The following UPF2 variants were observed in gnomAD, a reference collection of about 807,000 sequenced individuals.
UPF2 encodes the protein regulator of nonsense transcripts 2.
In UPF2, 17 loss-of-function variants were observed where a neutral mutation model predicts 141.4. The observed-to-expected ratio is 0.12, with a 90% CI of 0.08 to 0.18. UPF2 has a LOEUF of 0.18. Ranked by LOEUF, UPF2 falls within the 10% of genes least tolerant of loss-of-function variation. The pLI is 1.00. For synonymous variants in UPF2, 540 were observed against 498.0 expected (o/e 1.08, Z -1.12); for missense variants, 1,152 against 1,515.9 (o/e 0.76, Z 3.99).
chr10:11,924,303 C>A (rs769836407), intron 21 of UPF2, among the ~76,000 whole-genome samples: 1 of 152,164 alleles, frequency 6.6e-6, no homozygotes, highest in East Asian at 1.9e-4. Flanking sequence ...TTATGCCGGG[C>A]GTGGTGGCTG....
At position 11,959,192 on chromosome 10, in the gene UPF2, G is replaced by A. The variant is rs546474334; in HGVS notation, c.2349C>T (p.Leu783=). ...TTACCTTCTCGGTGGTAACCTTAGAGAGATCCTTGTACAAAAGTTTCCGGA... is the reference window on the plus strand; with the variant it reads ...TTACCTTCTCGGTGGTAACCTTAGAAAGATCCTTGTACAAAAGTTTCCGGA... ...EYVRKLLYKD[L]SKVTTEKVLR... Residue 783 remains leucine, a synonymous_variant, in exon 12 of 22, where the codon CTC becomes CTT. Transcript: ENST00000357604. The surrounding 1 kb of genome is among the most constrained non-coding windows in gnomAD (Gnocchi z 5.9). The A allele has an allele frequency of 7.6e-6, 12 of 1,587,724 alleles. No homozygotes were observed. The Admixed American group carries it at 1.6e-4, about 22-fold the overall frequency.
chr10:11,967,256 T>C (rs1369898070), intron 10 of UPF2, 85 bp downstream of exon 10: 1 of 792,264 alleles, frequency 1.3e-6, no homozygotes, highest in Non-Finnish European at 1.8e-6. Flanking sequence ...ATTAATCAAA[T>C]ATTAAATTAT....
At chr10:11,996,842 C>T (rs1833872239) in intron 8 of UPF2, among the ~76,000 whole-genome samples, 2 of 152,088 alleles carry the variant, frequency 1.3e-5, no homozygotes, top group Non-Finnish European at 2.9e-5. Flanking sequence ...GAAATCTTAC[C>T]ATTATCAAGA....
chr10:11,983,587 T>C (rs1371971134), intron 8 of UPF2, among the ~76,000 whole-genome samples: 1 of 152,172 alleles, frequency 6.6e-6, no homozygotes, highest in Non-Finnish European at 1.5e-5. Context: ...TTAGCCAGGA[T>C]GGTTTCGATC....
intron 4 of UPF2, 103 bp from the exon 5 acceptor site, chr10:12,004,830 T>A: frequency 9.0e-7 from 1 of 1,111,846 alleles, no homozygotes; most frequent in Admixed American, 2.7e-5. Flanking sequence ...GAATCTTGAG[T>A]GTTTCAACTG....
At chr10:11,930,065 G>A in intron 20 of UPF2, 80 bp from the exon 21 acceptor site, 1 of 1,584,938 alleles carries the variant, frequency 6.3e-7, no homozygotes, top group Non-Finnish European at 8.6e-7. Context: ...AAATGTTGGG[G>A]AGATTAAGTT....
Position 11,965,220 on chromosome 10 carries a change from T to C in UPF2, c.2068-1095A>G, listed in dbSNP as rs114048869. On this transcript the variant is annotated intron_variant, in intron 10 of 21. Coordinates refer to ENST00000357604, the MANE Select transcript of UPF2 (RefSeq NM_015542.4). ...AATTCCTGGGAAAGAAATTTCTGTG[T>C]CAAAAAAGTGTATATTCTTCCTATA... 7.0e-3 allele frequency among the ~76,000 whole-genome samples: 1,067 copies of C among 152,180 alleles called. 14 individuals carry two copies. The highest frequency in any genetic ancestry group is 0.024 in the African/African-American group (995 of 41,502).
intron 21 of UPF2, among the ~76,000 whole-genome samples, chr10:11,924,830 AT>A (rs942436797): frequency 2.6e-5 from 4 of 151,860 alleles, no homozygotes; most frequent in Admixed American, 2.6e-4. Flanking sequence ...TTAATAACTG[AT>A]TTTTTTTAAT....
rs1344941577 is a variant in UPF2, at chr10:12,019,038, AC to A, written c.1146-4855del. Among the ~76,000 whole-genome samples the A allele has an allele frequency of 1.3e-5, 2 of 152,248 alleles. No individual in the cohort carries two copies. Among genetic ancestry groups the A allele is most frequent in the Non-Finnish European group, 2.9e-5 (2 of 68,034 alleles). On this transcript the variant is annotated intron_variant, in intron 3 of 21. Coordinates refer to ENST00000357604, the MANE Select transcript of UPF2 (RefSeq NM_015542.4). The surrounding 1 kb of genome is among the most constrained non-coding windows in gnomAD (Gnocchi z 4.5). ...ATGGGAATGTATCACTGAAAATATA[AC>A]CAAAATCAAGCTGAAAATATGATTT...
intron 3 of UPF2, among the ~76,000 whole-genome samples, chr10:12,026,411 A>C (rs920921355): frequency 3.3e-5 from 5 of 152,188 alleles, no homozygotes; most frequent in Non-Finnish European, 7.3e-5. Context: ...AGTGTCTGGA[A>C]ATCATGGAGC....
At chr10:11,930,386 T>C (rs914256867) in intron 20 of UPF2, among the ~76,000 whole-genome samples, 8 of 152,212 alleles carry the variant, frequency 5.3e-5, no homozygotes, top group Admixed American at 5.2e-4. Context: ...ACAACAACAC[T>C]TATCTCAAAG....
chr10:11,956,246 T>A lies in UPF2; in HGVS notation c.2574+74A>T. 9 of 1,351,516 alleles carry A rather than the reference T, an allele frequency of 6.7e-6. No homozygotes were observed. Among genetic ancestry groups the A allele is most frequent in the Non-Finnish European group, 9.5e-6 (9 of 951,330 alleles). 83.7% of individuals were successfully genotyped at this position (1,351,516 alleles called of 1,614,324 possible). ...AATTTACAGATTCCTATAACTTGAGTCTCAATAGTAACCTAGAAATAATAA... is the reference window on the plus strand; with the variant it reads ...AATTTACAGATTCCTATAACTTGAGACTCAATAGTAACCTAGAAATAATAA... On this transcript the variant is annotated intron_variant, in intron 13 of 21. Coordinates refer to ENST00000357604, the MANE Select transcript of UPF2 (RefSeq NM_015542.4). This position sits in a 1 kb window ranked among gnomAD's most constrained non-coding sequence, Gnocchi z 4.2.
Position 11,935,349 on chromosome 10 carries a change from G to A in UPF2, c.3546+1196C>T, listed in dbSNP as rs1832836303. Reference sequence around the variant, plus strand: ...TATTCTGCACACAGAAGTGCCTGGTGTGTAGCAGGTAAATAATAAATACTT... The same window carrying A: ...TATTCTGCACACAGAAGTGCCTGGTATGTAGCAGGTAAATAATAAATACTT... On this transcript the variant is annotated intron_variant, in intron 19 of 21. Transcript: ENST00000357604. The surrounding 1 kb of genome is among the most constrained non-coding windows in gnomAD (Gnocchi z 4.9). Among the ~76,000 whole-genome samples the A allele has an allele frequency of 6.6e-6, 1 of 152,202 alleles. No homozygotes were observed.
At position 11,931,681 on chromosome 10, in the gene UPF2, T is replaced by C; in HGVS notation, c.3648A>G (p.Thr1216=). ...GTTCTTGCCGTTCATTGATATCTAG[T>C]GTGAGCTTTTTCATTCTCATCCTCT... ...QEERMRMKKL[T]LDINERQEQE... Residue 1216 remains threonine (T), a synonymous_variant, in exon 20 of 22, where the codon ACA becomes ACG. Transcript: ENST00000357604. The surrounding 1 kb of genome is among the most constrained non-coding windows in gnomAD (Gnocchi z 5.9). The C allele has an allele frequency of 6.2e-7, 1 of 1,612,870 alleles. No individual in the cohort carries two copies. The highest frequency in any genetic ancestry group is 2.2e-5 in the East Asian group (1 of 44,854).
intron 16 of UPF2, among the ~76,000 whole-genome samples, chr10:11,945,595 T>C (rs983573739): frequency 6.6e-6 from 1 of 152,168 alleles, no homozygotes; most frequent in Non-Finnish European, 1.5e-5. Flanking sequence ...CAAACACACA[T>C]GTATCCTGTG....
intron 11 of UPF2, among the ~76,000 whole-genome samples, chr10:11,963,264 C>T (rs1833268091): frequency 6.6e-6 from 1 of 152,216 alleles, no homozygotes; most frequent in African/African-American, 2.4e-5. Context: ...ACAGGTGAAC[C>T]ACTTTGAAGA....
rs945265363 is a variant in UPF2, at chr10:12,016,494, G to A, written c.1146-2310C>T. On this transcript the variant is annotated intron_variant, in intron 3 of 21. Transcript: ENST00000357604. The surrounding 1 kb of genome is among the most constrained non-coding windows in gnomAD (Gnocchi z 4.1). ...GAGGATCACAAGGTCAGGAGTTTGA[G>A]ACCAGCCTGGCCAATATGGTGAAAC... Among the ~76,000 whole-genome samples, 1 of 151,100 alleles carries A rather than the reference G, an allele frequency of 6.6e-6. No homozygotes were observed. The highest frequency in any genetic ancestry group is 1.5e-5 in the Non-Finnish European group (1 of 67,802).
At chr10:11,948,133 A>G (rs1034647044) in intron 16 of UPF2, among the ~76,000 whole-genome samples, 1 of 151,502 alleles carries the variant, frequency 6.6e-6, no homozygotes. Context: ...TTGTTATCTC[A>G]GCTACTCGGG....
rs866022718 is a variant in UPF2 at position 11,944,205 on chromosome 10, C to T, written c.3175-1037G>A. 3.9e-5 allele frequency among the ~76,000 whole-genome samples: 6 copies of T among 152,192 alleles called. No individual in the cohort carries two copies. In the Middle Eastern group the frequency reaches 0.014, roughly 345 times the overall value. On this transcript the variant is annotated intron_variant, in intron 16 of 21. Transcript: ENST00000357604. ...TCTTAAAATGAAAACGTTTCAAAAA[C>T]GTATACCAATGGTCGGCGCCATGGC... is the stretch of plus-strand genomic sequence containing the variant.
Sources: gnomAD v4.1 joint callset for allele counts (sites outside exome capture counted in the v4.1 genomes callset) on GRCh38, gnomAD v4.1.1 for gene constraint, Gnocchi (gnomAD v3.1) non-coding constraint, MANE v1.5 for transcripts, NCBI Gene and HGNC (gene_info 2026-07-23, HGNC 2026-07-21) for gene names.